Variants in IL1RAPL1 observed in about 807,000 individuals in gnomAD.
IL1RAPL1 encodes interleukin 1 receptor accessory protein like 1.
In IL1RAPL1, 3 loss-of-function variants were observed where a neutral mutation model predicts 48.4. The observed-to-expected ratio is 0.06, with a 90% CI of 0.03 to 0.16. The LOEUF (loss-of-function observed/expected upper bound fraction) is 0.16, where lower values mean the gene tolerates loss of function less well. Among genes scored for constraint, IL1RAPL1 ranks in the 10% least tolerant of loss-of-function variants. The probability of loss-of-function intolerance (pLI) is 1.00; values close to 1 mark genes in which losing one functional copy is unlikely to be tolerated. For missense variants in IL1RAPL1, 349 were observed against 530.6 expected, an observed-to-expected ratio of 0.66 and a Z score of 3.36; for synonymous variants, 185 against 187.7, an observed-to-expected ratio of 0.99 and a Z score of 0.12.
intron 2 of IL1RAPL1, among the ~76,000 whole-genome samples, chrX:28,948,719 T>C (rs1280347425): frequency 1.8e-5 from 2 of 111,327 alleles, no homozygotes; most frequent in African/African-American, 6.5e-5. Flanking sequence ...GATGGAAAAG[T>C]AGTCCCTCCT....
At chrX:29,312,685 A>G (rs1287113057) in intron 3 of IL1RAPL1, among the ~76,000 whole-genome samples, 1 of 111,759 alleles carries the variant, frequency 8.9e-6, no homozygotes, top group Non-Finnish European at 1.9e-5. Context: ...ATACTCCAGT[A>G]TACACCACAG....
At chrX:29,706,156 C>G (rs1927188302) in intron 6 of IL1RAPL1, among the ~76,000 whole-genome samples, 1 of 111,561 alleles carries the variant, frequency 9.0e-6, no homozygotes, top group South Asian at 3.8e-4. Flanking sequence ...GAAAGACCCG[C>G]CCACATGATT....
intron 1 of IL1RAPL1, among the ~76,000 whole-genome samples, chrX:28,612,540 C>T (rs745838199): frequency 8.9e-6 from 1 of 111,935 alleles, no homozygotes; most frequent in Non-Finnish European, 1.9e-5. Context: ...AGTAGCACCC[C>T]CTAAAGGGAG....
At chrX:28,908,498 A>C (rs769169186) in intron 2 of IL1RAPL1, among the ~76,000 whole-genome samples, 26 of 111,751 alleles carry the variant, frequency 2.3e-4, no homozygotes, top group South Asian at 2.2e-3. Context: ...GGAGATTTTC[A>C]AACTGTCTTT....
intron 1 of IL1RAPL1, among the ~76,000 whole-genome samples, chrX:28,773,010 A>G (rs1156397887): frequency 9.0e-6 from 1 of 111,559 alleles, no homozygotes; most frequent in African/African-American, 3.3e-5. Flanking sequence ...TTGTGATCAC[A>G]TATCTCCAAT....
At position 28,867,515 on chromosome X, in the gene IL1RAPL1, C is replaced by T. The variant is rs1284630263; in HGVS notation, c.82+78090C>T. On this transcript the variant is annotated intron_variant, in intron 2 of 10. Coordinates refer to ENST00000378993, the MANE Select transcript of IL1RAPL1 (RefSeq NM_014271.4). ...AAATAAATGTGTATCTTGTCTAAGC[C>T]TGTTTAGGAGTCTCTTCTTCTTATA... Among the ~76,000 whole-genome samples, 11 of 112,080 alleles carry T rather than the reference C, an allele frequency of 9.8e-5. No individual in the cohort carries two copies. The East Asian group carries it at 1.1e-3, about 11-fold the overall frequency.
At chrX:29,013,891 C>CA (rs1393226974) in intron 2 of IL1RAPL1, among the ~76,000 whole-genome samples, 2 of 111,230 alleles carry the variant, frequency 1.8e-5, no homozygotes, top group Admixed American at 9.6e-5. Context: ...AAAAAAAAAG[C>CA]AAAAGCAGAT....
At chrX:29,240,675 T>C (rs1291000751) in intron 2 of IL1RAPL1, among the ~76,000 whole-genome samples, 1 of 111,994 alleles carries the variant, frequency 8.9e-6, no homozygotes, top group Non-Finnish European at 1.9e-5. Context: ...TACTGTGTAC[T>C]TTGAATCCAT....
chrX:29,588,884 T>G (rs532664636), intron 5 of IL1RAPL1, among the ~76,000 whole-genome samples: 3 of 112,095 alleles, frequency 2.7e-5, no homozygotes, highest in African/African-American at 9.7e-5. Context: ...ACATCAGGTC[T>G]GATCATTTAG....
chrX:29,813,377 T>C (rs1930420435), intron 6 of IL1RAPL1, among the ~76,000 whole-genome samples: 1 of 111,177 alleles, frequency 9.0e-6, no homozygotes, highest in South Asian at 3.8e-4. Flanking sequence ...AATGATGTCA[T>C]CTTCTTACTA....
intron 5 of IL1RAPL1, among the ~76,000 whole-genome samples, chrX:29,589,684 G>A (rs1026366829): frequency 9.0e-6 from 1 of 111,191 alleles, no homozygotes. Flanking sequence ...ATATTAATTA[G>A]TAGGATAAAA....
intron 2 of IL1RAPL1, among the ~76,000 whole-genome samples, chrX:29,077,500 G>A (rs1226027466): frequency 9.2e-6 from 1 of 109,031 alleles, no homozygotes; most frequent in Non-Finnish European, 1.9e-5. Flanking sequence ...CTACTCAGGA[G>A]GCTGAGGTCG....
intron 1 of IL1RAPL1, among the ~76,000 whole-genome samples, chrX:28,690,553 A>G (rs1367715090): frequency 1.8e-5 from 2 of 110,725 alleles, no homozygotes; most frequent in Non-Finnish European, 3.8e-5. Context: ...CTTGCAATCT[A>G]CCTCTCTCCA....
chrX:28,954,870 T>G (rs1401215909), intron 2 of IL1RAPL1, among the ~76,000 whole-genome samples: 1 of 111,784 alleles, frequency 8.9e-6, no homozygotes, highest in Non-Finnish European at 1.9e-5. Flanking sequence ...ATATCTATTC[T>G]CCTTTCCTCA....
At chrX:29,494,910 G>A (rs997474360) in intron 5 of IL1RAPL1, among the ~76,000 whole-genome samples, 6 of 111,536 alleles carry the variant, frequency 5.4e-5, no homozygotes, top group Non-Finnish European at 9.4e-5. Flanking sequence ...CTTATTGTTC[G>A]AGTTCCTATG....
intron 2 of IL1RAPL1, among the ~76,000 whole-genome samples, chrX:28,791,574 T>C (rs991052864): frequency 5.4e-5 from 6 of 112,031 alleles, no homozygotes; most frequent in African/African-American, 1.6e-4. Context: ...TGTCACGTAA[T>C]TATATAATAC....
chrX:29,341,297 A>C (rs1335132157), intron 3 of IL1RAPL1, among the ~76,000 whole-genome samples: 1 of 112,226 alleles, frequency 8.9e-6, no homozygotes, highest in Non-Finnish European at 1.9e-5. Flanking sequence ...TGTTGCCTGC[A>C]CATTCACTTA....
chrX:28,964,124 T>A (rs1924859575), intron 2 of IL1RAPL1, among the ~76,000 whole-genome samples: 1 of 111,563 alleles, frequency 9.0e-6, no homozygotes, highest in African/African-American at 3.3e-5. Flanking sequence ...GTTTTATAAA[T>A]AGATGTGAGT....
At chrX:29,536,728 G>A (rs1358214187) in intron 5 of IL1RAPL1, among the ~76,000 whole-genome samples, 1 of 108,513 alleles carries the variant, frequency 9.2e-6, no homozygotes, top group East Asian at 2.8e-4. Flanking sequence ...AATAATAAAA[G>A]GAAATAGTTA....
Sources: allele counts gnomAD v4.1 joint callset (sites outside exome capture counted in the v4.1 genomes callset), GRCh38; gene constraint gnomAD v4.1.1; transcripts MANE v1.5; gene names NCBI Gene and HGNC (gene_info 2026-07-23, HGNC 2026-07-21).